The following GPR63 variants were observed in gnomAD, a reference collection of about 807,000 sequenced individuals.
GPR63 encodes the protein G protein-coupled receptor 63.
In GPR63, 12 loss-of-function variants were observed where a neutral mutation model predicts 23.1. That is an observed-to-expected ratio of 0.52 (90% confidence interval 0.33 to 0.84). The LOEUF (loss-of-function observed/expected upper bound fraction) is 0.84. Among genes scored for constraint, GPR63 ranks in the 40% least tolerant of loss-of-function variants. The probability of loss-of-function intolerance (pLI) is 0.02; values close to 1 mark genes in which losing one functional copy is unlikely to be tolerated. For missense variants in GPR63, 472 were observed against 515.6 expected (o/e 0.92, Z 0.82); for synonymous variants, 172 against 191.1 (o/e 0.90, Z 0.82).
chr6:96,829,143 A>G (rs1309666516), intron 1 of GPR63, among the ~76,000 whole-genome samples: 1 of 152,248 alleles, frequency 6.6e-6, no homozygotes, highest in Non-Finnish European at 1.5e-5. Context: ...TTTTCATCTT[A>G]TAGATACACA....
chr6:96,832,007 C>T (rs6568626), intron 1 of GPR63, among the ~76,000 whole-genome samples: 54,735 of 151,736 alleles, frequency 0.36, 10,443 homozygotes, highest in African/African-American at 0.48. Flanking sequence ...CCCCAATAAA[C>T]TATGATACAT....
At chr6:96,832,947 G>A (rs946108146) in intron 1 of GPR63, among the ~76,000 whole-genome samples, 2 of 152,024 alleles carry the variant, frequency 1.3e-5, no homozygotes, top group East Asian at 1.9e-4. Context: ...ACTTATACTC[G>A]AAACTCCTAT....
intron 1 of GPR63, among the ~76,000 whole-genome samples, chr6:96,825,442 G>A (rs1017678788): frequency 1.3e-5 from 2 of 152,008 alleles, no homozygotes; most frequent in Admixed American, 6.6e-5. Flanking sequence ...AAACTGAATG[G>A]ATTCTTTATA....
chr6:96,795,177 T>C lies in GPR63; in HGVS notation c.*3295A>G, dbSNP rs1045866371. On this transcript the variant is annotated 3_prime_UTR_variant, in exon 2 of 2. Coordinates refer to ENST00000229955, the MANE Select transcript of GPR63 (RefSeq NM_030784.4). ...TGTTAACAAGCTCCCTTGGGGATGC[T>C]TAAACATGTATTAAAGTTTAAATAA... 4.6e-5 allele frequency: 7 copies of C among 152,220 alleles called. No individual in the cohort carries two copies. Among genetic ancestry groups the C allele is most frequent in the African/African-American group, 1.7e-4 (7 of 41,456 alleles). 9.4% of individuals were successfully genotyped at this position (152,220 alleles called of 1,614,324 possible).
At position 96,825,846 on chromosome 6, in the gene GPR63, T is replaced by C. The variant is rs182287525; in HGVS notation, c.-151+11422A>G. On this transcript the variant is annotated intron_variant, in intron 1 of 1. Transcript: ENST00000229955. Reference sequence around the variant, plus strand: ...TTTACTACTATACTTGCTTTTATTGTTAACCTACAGCAACTGAGTATTGAG... The same window carrying C: ...TTTACTACTATACTTGCTTTTATTGCTAACCTACAGCAACTGAGTATTGAG... Among the ~76,000 whole-genome samples the C allele has an allele frequency of 1.9e-3, 282 of 152,164 alleles. 2 individuals are homozygous for C. The highest frequency in any genetic ancestry group is 6.8e-3 in the Middle Eastern group (2 of 294).
At chr6:96,806,590 C>T (rs1773903144) in intron 1 of GPR63, among the ~76,000 whole-genome samples, 1 of 152,092 alleles carries the variant, frequency 6.6e-6, no homozygotes, top group Admixed American at 6.6e-5. Flanking sequence ...AAGGTCAGAC[C>T]AGATCTTTAG....
chr6:96,826,949 G>C (rs1384341307), intron 1 of GPR63, among the ~76,000 whole-genome samples: 2 of 151,230 alleles, frequency 1.3e-5, no homozygotes, highest in African/African-American at 4.9e-5. Context: ...ACCCAAGCTA[G>C]CAGGCAACAG....
chr6:96,834,524 G>A (rs1402408352), intron 1 of GPR63, among the ~76,000 whole-genome samples: 1 of 150,850 alleles, frequency 6.6e-6, no homozygotes, highest in Non-Finnish European at 1.5e-5. Flanking sequence ...TGTCTTCAAG[G>A]AAACACTAAG....
At chr6:96,816,014 A>G (rs970598745) in intron 1 of GPR63, among the ~76,000 whole-genome samples, 5 of 152,220 alleles carry the variant, frequency 3.3e-5, no homozygotes, top group African/African-American at 9.7e-5. Flanking sequence ...CTTCAAAAAT[A>G]TTAAAACATT....
chr6:96,810,456 C>T (rs890811585), intron 1 of GPR63, among the ~76,000 whole-genome samples: 1 of 150,822 alleles, frequency 6.6e-6, no homozygotes, highest in East Asian at 1.9e-4. Context: ...GATCATGCCA[C>T]TGCACTCCAG....
At chr6:96,814,481 C>A (rs1389700923) in intron 1 of GPR63, among the ~76,000 whole-genome samples, 1 of 152,094 alleles carries the variant, frequency 6.6e-6, no homozygotes, top group South Asian at 2.1e-4. Context: ...AAGTTATGTT[C>A]CCCATTTTCA....
chr6:96,836,331 T>C (rs1774727434), intron 1 of GPR63, among the ~76,000 whole-genome samples: 1 of 152,222 alleles, frequency 6.6e-6, no homozygotes, highest in Non-Finnish European at 1.5e-5. Flanking sequence ...TTTTTATCCA[T>C]GATTCTTAGA....
chr6:96,831,472 C>T (rs1378197200), intron 1 of GPR63, among the ~76,000 whole-genome samples: 2 of 150,784 alleles, frequency 1.3e-5, no homozygotes, highest in African/African-American at 2.4e-5. Flanking sequence ...ACAGGGAAGA[C>T]AATGATTAGC....
chr6:96,799,108 A>G lies in GPR63; in HGVS notation c.624T>C (p.Cys208=), dbSNP rs1232606080. Residue 208 remains cysteine (C), a synonymous_variant, in exon 2 of 2, where the codon TGT becomes TGC. Coordinates refer to ENST00000229955, the MANE Select transcript of GPR63 (RefSeq NM_030784.4). ...TTCCTACGGCTAAAGGAAAAGCTACACAAAAGGAAGTTGCCCAAGAAACTG... is the reference window on the plus strand; with the variant it reads ...TTCCTACGGCTAAAGGAAAAGCTACGCAAAAGGAAGTTGCCCAAGAAACTG... ...LIAVSWATSF[C]VAFPLAVGNP... 6.2e-7 allele frequency: 1 copy of G among 1,614,204 alleles called. No individual in the cohort carries two copies.
At chr6:96,832,104 G>A (rs914119856) in intron 1 of GPR63, among the ~76,000 whole-genome samples, 1 of 151,260 alleles carries the variant, frequency 6.6e-6, no homozygotes, top group African/African-American at 2.4e-5. Flanking sequence ...AAATTACAAA[G>A]CTATATATCT....
At chr6:96,831,498 T>C (rs1207863151) in intron 1 of GPR63, among the ~76,000 whole-genome samples, 3 of 152,102 alleles carry the variant, frequency 2.0e-5, no homozygotes, top group South Asian at 2.1e-4. Context: ...AGATTTTATA[T>C]TGGGAATAAT....
At position 96,799,457 on chromosome 6, in the gene GPR63, AGAAT is replaced by A. The variant is rs745436363; in HGVS notation, c.271_274del (p.Ile91CysfsTer21). 7.4e-6 allele frequency: 12 copies of A among 1,614,192 alleles called. No homozygotes were observed. The highest frequency in any genetic ancestry group is 1.0e-5 in the Non-Finnish European group (12 of 1,180,038). ...CAAGTTCCCAAGAAAAGACACAAAC[AGAAT>A]GAATATCATTATAGCAGAAAGGGTG... On this transcript the variant is annotated frameshift_variant, in exon 2 of 2. Coordinates refer to ENST00000229955, the MANE Select transcript of GPR63 (RefSeq NM_030784.4). LOFTEE classifies it high-confidence loss of function.
intron 1 of GPR63, among the ~76,000 whole-genome samples, chr6:96,820,125 ACATTT>A (rs1371235327): frequency 6.7e-6 from 1 of 148,430 alleles, no homozygotes; most frequent in African/African-American, 2.5e-5. Flanking sequence ...ATCTTCTTGA[ACATTT>A]CATATTATAA....
intron 1 of GPR63, among the ~76,000 whole-genome samples, chr6:96,804,176 G>C (rs944302408): frequency 2.0e-5 from 3 of 152,136 alleles, no homozygotes; most frequent in Non-Finnish European, 4.4e-5. Context: ...GGCTAGAATG[G>C]TCAGTAGCGG....
Sources: allele counts gnomAD v4.1 joint callset (sites outside exome capture counted in the v4.1 genomes callset), GRCh38; gene constraint gnomAD v4.1.1; transcripts MANE v1.5; gene names NCBI Gene and HGNC (gene_info 2026-07-23, HGNC 2026-07-21).